BTBD7: variants seen among roughly 807,000 people sequenced by gnomAD.
The protein encoded by BTBD7 is BTB domain containing 7, also known as BTB/POZ domain-containing protein 7.
A neutral mutation model predicts 99.9 loss-of-function variants in BTBD7; 38 were observed. That is an observed-to-expected ratio of 0.38 (90% CI 0.29 to 0.50). The LOEUF (loss-of-function observed/expected upper bound fraction) is 0.50, where lower values mean the gene tolerates loss of function less well. Among genes scored for constraint, BTBD7 ranks in the 20% least tolerant of loss-of-function variants. The pLI, the probability that BTBD7 is intolerant of heterozygous loss-of-function variation, is 0.93. For missense variants in BTBD7, 1,170 were observed against 1,394.6 expected (o/e 0.84, Z 2.57); for synonymous variants, 520 against 511.4 (o/e 1.02, Z -0.23).
chr14:93,245,255 C>T (rs1369097473), intron 10 of BTBD7, among the ~76,000 whole-genome samples: 1 of 152,140 alleles, frequency 6.6e-6, no homozygotes, highest in African/African-American at 2.4e-5. Flanking sequence ...TTACTACCTA[C>T]TAGCCCTGGC....
At position 93,259,249 on chromosome 14, in the gene BTBD7, C is replaced by G. The variant is rs2052463025; in HGVS notation, c.1448-1894G>C. On this transcript the variant is annotated intron_variant, in intron 5 of 10. Coordinates refer to ENST00000334746, the MANE Select transcript of BTBD7 (RefSeq NM_001002860.4). ...TGATTTATTAACACTAACCTCACAA[C>G]CAACAGCACTGTAACTCACGCCTGA... Among the ~76,000 whole-genome samples the G allele has an allele frequency of 2.0e-5, 3 of 152,152 alleles. No individual in the cohort carries two copies. The South Asian group carries it at 6.2e-4, about 32-fold the overall frequency.
intron 5 of BTBD7, among the ~76,000 whole-genome samples, chr14:93,259,759 C>T (rs1393176865): frequency 6.6e-6 from 1 of 152,084 alleles, no homozygotes; most frequent in African/African-American, 2.4e-5. Context: ...CATGGCGAAA[C>T]CCTGTGTCTA....
At chr14:93,328,053 G>A (rs1352595509) in intron 1 of BTBD7, among the ~76,000 whole-genome samples, 2 of 152,010 alleles carry the variant, frequency 1.3e-5, no homozygotes, top group East Asian at 3.8e-4. Flanking sequence ...AAATACTTAG[G>A]AATAAACTTA....
intron 1 of BTBD7, among the ~76,000 whole-genome samples, chr14:93,298,010 C>A (rs2052950033): frequency 1.3e-5 from 2 of 152,156 alleles, no homozygotes; most frequent in African/African-American, 4.8e-5. Context: ...ACTCCTATGG[C>A]TAGGCCTCTT....
chr14:93,267,038 A>T (rs201636692), intron 3 of BTBD7, among the ~76,000 whole-genome samples: 1 of 152,182 alleles, frequency 6.6e-6, no homozygotes, highest in Non-Finnish European at 1.5e-5. Context: ...GGGCATTGGA[A>T]TAGAATTGAG....
intron 8 of BTBD7, 24 bp from the exon 9 acceptor site, chr14:93,248,678 A>C: frequency 6.4e-7 from 1 of 1,566,252 alleles, no homozygotes; most frequent in South Asian, 1.2e-5. Flanking sequence ...AACAGTGGGC[A>C]AGCAAAATTC....
At chr14:93,307,828 T>A (rs1205031118) in intron 1 of BTBD7, among the ~76,000 whole-genome samples, 1 of 152,174 alleles carries the variant, frequency 6.6e-6, no homozygotes, top group Non-Finnish European at 1.5e-5. Flanking sequence ...CATAATACAG[T>A]ACCTGGCACT....
chr14:93,297,063 C>T (rs2052937199), intron 1 of BTBD7, among the ~76,000 whole-genome samples: 1 of 152,082 alleles, frequency 6.6e-6, no homozygotes, highest in Admixed American at 6.6e-5. Flanking sequence ...GAAGAGAAAA[C>T]GCCATTTAAA....
chr14:93,253,905 A>C, intron 6 of BTBD7, 115 bp from the exon 7 acceptor site: 1 of 545,186 alleles, frequency 1.8e-6, no homozygotes, highest in Non-Finnish European at 2.7e-6. Context: ...CATTTAAATA[A>C]AAATTTAGAA....
intron 3 of BTBD7, among the ~76,000 whole-genome samples, chr14:93,285,822 T>C (rs1319052855): frequency 6.6e-6 from 1 of 152,248 alleles, no homozygotes; most frequent in Non-Finnish European, 1.5e-5. Flanking sequence ...TAGGTACTGC[T>C]ACCAATCAGG....
chr14:93,317,674 C>T (rs1300545132), intron 1 of BTBD7, among the ~76,000 whole-genome samples: 3 of 152,130 alleles, frequency 2.0e-5, no homozygotes, highest in African/African-American at 4.8e-5. Flanking sequence ...TTAGAAAGGC[C>T]TGCATGCAAA....
chr14:93,255,760 T>C (rs2052422697), intron 6 of BTBD7: 1 of 152,304 alleles, frequency 6.6e-6, no homozygotes, highest in African/African-American at 2.4e-5. Context: ...CCTCCCAAAG[T>C]GCTGGGATTA....
intron 1 of BTBD7, among the ~76,000 whole-genome samples, chr14:93,300,713 TG>T (rs2052986866): frequency 1.1e-4 from 1 of 8,730 alleles, no homozygotes; most frequent in Non-Finnish European, 1.9e-4. Flanking sequence ...TTTGTGTGTG[TG>T]TGTGTGTGTG....
intron 1 of BTBD7, among the ~76,000 whole-genome samples, chr14:93,312,676 A>C (rs919367794): frequency 6.7e-6 from 1 of 149,828 alleles, no homozygotes; most frequent in East Asian, 2.0e-4. Context: ...TTTGGGTAGA[A>C]TAAAGAGTGC....
intron 1 of BTBD7, among the ~76,000 whole-genome samples, chr14:93,309,365 G>A (rs1273051815): frequency 6.6e-6 from 1 of 151,168 alleles, no homozygotes; most frequent in Non-Finnish European, 1.5e-5. Context: ...GGAGGCCAAG[G>A]TGTGTGGCCT....
chr14:93,257,245 C>T lies in BTBD7; in HGVS notation c.1558G>A (p.Val520Met). 1 of 1,614,130 alleles carries T rather than the reference C, an allele frequency of 6.2e-7. No homozygotes were observed. The highest frequency in any genetic ancestry group is 1.7e-5 in the Admixed American group (1 of 60,022). Residue 520 changes from valine (V) to methionine (M), a missense_variant, in exon 6 of 11, where the codon GTG (valine) becomes ATG (methionine). Val to Met is a conservative substitution (Grantham distance 21, BLOSUM62 1). This residue lies in a region of BTBD7 where 309 missense variants were observed against 342.0 expected (regional missense o/e 0.90). Transcript: ENST00000334746. The part of the protein sequence containing the change: ...REILSSLLPF[V>M]RIEHILPINS... ...ATAGGTAAGATGTGTTCAATTCGCA[C>T]AAAAGGTAAGAGAGAAGAAAGGATC...
intron 1 of BTBD7, among the ~76,000 whole-genome samples, chr14:93,317,966 G>T (rs1018161961): frequency 6.6e-6 from 1 of 152,188 alleles, no homozygotes; most frequent in African/African-American, 2.4e-5. Context: ...TGCATCCTAC[G>T]CGGCTTCACT....
chr14:93,248,752 T>A, intron 8 of BTBD7, 98 bp from the exon 9 acceptor site: 1 of 1,099,720 alleles, frequency 9.1e-7, no homozygotes. Context: ...CATACCAGAA[T>A]CTTATAAGTT....
chr14:93,245,736 G>GA, intron 10 of BTBD7, 89 bp downstream of exon 10: 1 of 1,530,118 alleles, frequency 6.5e-7, no homozygotes, highest in African/African-American at 1.4e-5. Context: ...GGGCACTGCT[G>GA]AGTCCCAGTG....
Sources: allele counts gnomAD v4.1 joint callset (sites outside exome capture counted in the v4.1 genomes callset), GRCh38; gene constraint gnomAD v4.1.1; regional missense constraint gnomAD v4.1.1; transcripts MANE v1.5; gene names NCBI Gene and HGNC (gene_info 2026-07-23, HGNC 2026-07-21).